ALOX5: variants seen among roughly 807,000 people sequenced by gnomAD.
The protein encoded by ALOX5 is arachidonate 5-lipoxygenase, also known as polyunsaturated fatty acid 5-lipoxygenase.
Under a neutral mutation model 87.9 loss-of-function variants are expected in ALOX5, and 64 were observed. That is an observed-to-expected ratio of 0.73 (90% CI 0.60 to 0.90). ALOX5 has a LOEUF of 0.90. Ranked by LOEUF, ALOX5 falls within the 40% of genes least tolerant of loss-of-function variation. The pLI, the probability that ALOX5 is intolerant of heterozygous loss-of-function variation, is 0.00. For missense variants in ALOX5, 822 were observed against 907.5 expected, an observed-to-expected ratio of 0.91 and a Z score of 1.21; for synonymous variants, 388 against 355.1, an observed-to-expected ratio of 1.09 and a Z score of -1.04.
intron 7 of ALOX5, among the ~76,000 whole-genome samples, chr10:45,437,118 C>T (rs1479383343): frequency 7.9e-4 from 120 of 152,222 alleles, no homozygotes; most frequent in Non-Finnish European, 1.0e-4. Flanking sequence ...TTTGGGAGGC[C>T]GAGGTGGGCA....
At chr10:45,428,479 G>T in intron 6 of ALOX5, 139 bp from the exon 7 acceptor site, 1 of 1,083,648 alleles carries the variant, frequency 9.2e-7, no homozygotes, top group Non-Finnish European at 1.3e-6. Context: ...TGGAGTCAGA[G>T]GAGAGAAGTA....
chr10:45,444,112 G>T lies in ALOX5; in HGVS notation c.1675-4G>T. 1 of 1,536,024 alleles carries T rather than the reference G, an allele frequency of 6.5e-7. No individual in the cohort carries two copies. The highest frequency in any genetic ancestry group is 8.8e-7 in the Non-Finnish European group (1 of 1,137,436). On this transcript the variant is annotated splice_polypyrimidine_tract_variant and splice_region_variant and intron_variant, in intron 12 of 13. Coordinates refer to ENST00000374391, the MANE Select transcript of ALOX5 (RefSeq NM_000698.5). The stretch of plus-strand genomic sequence containing the variant: ...CCCACGCTTGCTGGCGGTCGTCTCC[G>T]CAGTACGACTGGTGCTCCTGGATCC...
At chr10:45,409,676 T>C (rs558509357) in intron 3 of ALOX5, among the ~76,000 whole-genome samples, 1 of 152,310 alleles carries the variant, frequency 6.6e-6, no homozygotes, top group African/African-American at 2.4e-5. Flanking sequence ...TCTACTTCTT[T>C]GTTCCTTCTG....
At chr10:45,403,652 C>CT (rs1220481299) in intron 3 of ALOX5, among the ~76,000 whole-genome samples, 1 of 152,134 alleles carries the variant, frequency 6.6e-6, no homozygotes, top group African/African-American at 2.4e-5. Flanking sequence ...AAAAATAAAA[C>CT]TTACATGCCA....
chr10:45,431,136 G>A (rs1472418703), intron 7 of ALOX5, among the ~76,000 whole-genome samples: 2 of 151,936 alleles, frequency 1.3e-5, no homozygotes, highest in Non-Finnish European at 2.9e-5. Flanking sequence ...CACACTAAAA[G>A]GGAATTTAAT....
intron 3 of ALOX5, among the ~76,000 whole-genome samples, chr10:45,396,992 C>T (rs192802652): frequency 1.3e-5 from 2 of 152,174 alleles, no homozygotes; most frequent in Non-Finnish European, 2.9e-5. Flanking sequence ...AATAGACATA[C>T]AAAAAAGGCA....
chr10:45,441,117 A>G (rs1379228938), intron 8 of ALOX5, among the ~76,000 whole-genome samples: 2 of 152,232 alleles, frequency 1.3e-5, no homozygotes, highest in Non-Finnish European at 2.9e-5. Flanking sequence ...TAAGCATTGT[A>G]CAAGTGCTGG....
At chr10:45,395,540 A>G (rs35536930) in intron 2 of ALOX5, among the ~76,000 whole-genome samples, 34,511 of 151,824 alleles carry the variant, frequency 0.23, 4,053 homozygotes, top group African/African-American at 0.26. Flanking sequence ...CACCAACATG[A>G]CACATGTATA....
In ALOX5 at chr10:45,395,921, G is replaced by A. The variant is rs531067716; in HGVS notation, c.416G>A (p.Arg139Gln). Residue 139 changes from arginine (R) to glutamine (Q), a missense_variant, in exon 3 of 14, where the codon CGG (arginine) becomes CAG (glutamine). Coordinates refer to ENST00000374391, the MANE Select transcript of ALOX5 (RefSeq NM_000698.5). ...CACCGACGTAAAGAACTGGAAACAC[G>A]GCAAAAACAATATCGGTGAGTTATG... ...KQHRRKELET[R>Q]QKQYRWMEWN... is the part of the protein sequence containing the mutation. The A allele has an allele frequency of 1.3e-5, 21 of 1,614,106 alleles. No homozygotes were observed. The highest frequency in any genetic ancestry group is 3.3e-5 in the Admixed American group (2 of 60,006).
At chr10:45,375,300 C>T (rs577542887) in intron 1 of ALOX5, among the ~76,000 whole-genome samples, 26 of 152,260 alleles carry the variant, frequency 1.7e-4, no homozygotes, top group African/African-American at 6.0e-4. Flanking sequence ...TGAATTCCAG[C>T]CCCACGACTC....
chr10:45,444,239 T>A lies in ALOX5; in HGVS notation c.1798T>A (p.Trp600Arg), dbSNP rs1440650028. The change falls in exon 13 of 14, where the codon TGG becomes AGG. Residue 600 changes from tryptophan (W) to arginine (R), a missense_variant. Physicochemically the swap from Trp to Arg is moderately radical, Grantham distance 101. Coordinates refer to ENST00000374391, the MANE Select transcript of ALOX5 (RefSeq NM_000698.5). ...GCTGCCCGACCGCGGCCGCTCCTGC[T>A]GGCATCTGGGTGCAGTGTGGGCGCT... ...DTLPDRGRSC[W>R]HLGAVWALSQ... 6.4e-7 allele frequency: 1 copy of A among 1,555,334 alleles called. No individual in the cohort carries two copies. Among genetic ancestry groups the A allele is most frequent in the Admixed American group, 1.9e-5 (1 of 51,292 alleles).
chr10:45,417,725 C>A (rs929693773), intron 4 of ALOX5, among the ~76,000 whole-genome samples: 1 of 152,200 alleles, frequency 6.6e-6, no homozygotes, highest in African/African-American at 2.4e-5. Context: ...TAGGGACGCA[C>A]CCGCCCCTGC....
chr10:45,396,836 G>A (rs1840524165), intron 3 of ALOX5, among the ~76,000 whole-genome samples: 1 of 152,090 alleles, frequency 6.6e-6, no homozygotes, highest in African/African-American at 2.4e-5. Flanking sequence ...ACCTAACCCA[G>A]AAGTATATAA....
chr10:45,423,896 G>A (rs941274988), intron 4 of ALOX5, 145 bp from the exon 5 acceptor site: 5 of 686,714 alleles, frequency 7.3e-6, no homozygotes, highest in Admixed American at 2.2e-5. Context: ...TTTCTGACCT[G>A]GTTCTGAAAA....
intron 3 of ALOX5, among the ~76,000 whole-genome samples, chr10:45,409,529 C>CTCTCTG (rs1190318112): frequency 6.7e-6 from 1 of 149,946 alleles, no homozygotes; most frequent in African/African-American, 2.5e-5. Context: ...CTCTCTCTCT[C>CTCTCTG]TCTCTGTCTC....
intron 2 of ALOX5, among the ~76,000 whole-genome samples, chr10:45,390,687 A>G (rs1840187181): frequency 6.6e-6 from 1 of 152,226 alleles, no homozygotes; most frequent in African/African-American, 2.4e-5. Flanking sequence ...GACACATTTA[A>G]AGCAGTGTGT....
chr10:45,403,228 CAACA>C (rs1840763552), intron 3 of ALOX5, among the ~76,000 whole-genome samples: 1 of 152,154 alleles, frequency 6.6e-6, no homozygotes, highest in African/African-American at 2.4e-5. Context: ...ACTCAATGTC[CAACA>C]AACAGTAGAA....
intron 2 of ALOX5, among the ~76,000 whole-genome samples, chr10:45,393,758 C>G (rs1460051204): frequency 6.6e-6 from 1 of 152,208 alleles, no homozygotes; most frequent in Non-Finnish European, 1.5e-5. Context: ...TCAGCAAAGT[C>G]TCAGGATACA....
intron 7 of ALOX5, among the ~76,000 whole-genome samples, chr10:45,429,634 T>G (rs1406015010): frequency 1.3e-5 from 2 of 152,214 alleles, no homozygotes; most frequent in Admixed American, 6.5e-5. Flanking sequence ...GTGAGGTTAT[T>G]TAGAGGCTTT....
Sources: allele counts gnomAD v4.1 joint callset (sites outside exome capture counted in the v4.1 genomes callset), GRCh38; gene constraint gnomAD v4.1.1; transcripts MANE v1.5; gene names NCBI Gene and HGNC (gene_info 2026-07-23, HGNC 2026-07-21).